TBC1D19: variants seen among roughly 807,000 people sequenced by gnomAD.
The protein encoded by TBC1D19 is TBC1 domain family, member 19.
TBC1D19 carries 60 observed loss-of-function variants against 89.0 expected under a neutral mutation model. The observed-to-expected ratio is 0.67, with a 90% confidence interval of 0.55 to 0.84. The LOEUF (loss-of-function observed/expected upper bound fraction) is 0.84, where lower values mean the gene tolerates loss of function less well. TBC1D19 is among the 40% of genes least tolerant of loss of function. TBC1D19 has a pLI of 0.00. For synonymous variants in TBC1D19, 189 were observed against 199.7 expected (o/e 0.95, Z 0.45); for missense variants, 500 against 610.8 (o/e 0.82, Z 1.91).
At chr4:26,724,226 G>A (rs1717154647) in intron 15 of TBC1D19, among the ~76,000 whole-genome samples, 1 of 152,188 alleles carries the variant, frequency 6.6e-6, no homozygotes, top group African/African-American at 2.4e-5. Context: ...GGTCAGTTAG[G>A]GAGATAGTTG....
intron 4 of TBC1D19, among the ~76,000 whole-genome samples, chr4:26,625,466 TG>T (rs1317798053): frequency 1.3e-5 from 2 of 152,216 alleles, no homozygotes; most frequent in East Asian, 3.8e-4. Context: ...AACATTAGTA[TG>T]GTACATTTGT....
intron 17 of TBC1D19, 141 bp from the exon 18 acceptor site, chr4:26,742,367 A>G (rs924895806): frequency 8.2e-6 from 5 of 611,148 alleles, no homozygotes; most frequent in African/African-American, 5.6e-5. Flanking sequence ...TCTTTAATAC[A>G]TTTCATGTTT....
chr4:26,754,454 G>A (rs1719152806), intron 20 of TBC1D19, among the ~76,000 whole-genome samples: 1 of 152,070 alleles, frequency 6.6e-6, no homozygotes, highest in South Asian at 2.1e-4. Flanking sequence ...CTGCATTTTT[G>A]TTTAAAGGGA....
chr4:26,737,534 T>G (rs1345005639), intron 16 of TBC1D19, among the ~76,000 whole-genome samples: 1 of 152,154 alleles, frequency 6.6e-6, no homozygotes, highest in Admixed American at 6.6e-5. Flanking sequence ...TATCATTGAC[T>G]CAGCCTCTGC....
At chr4:26,850,470 C>T in the TBC1D19 span, among the ~76,000 whole-genome samples, 1 of 138,710 alleles carries the variant, frequency 7.2e-6, no homozygotes, top group Non-Finnish European at 1.5e-5. Flanking sequence ...ACTGCCTGAA[C>T]CAAGAGGGGT....
At chr4:26,810,225 C>G in the TBC1D19 span, among the ~76,000 whole-genome samples, 1 of 152,222 alleles carries the variant, frequency 6.6e-6, no homozygotes, top group Admixed American at 6.5e-5. Flanking sequence ...TATCAGCTGC[C>G]TTCTTTTTCC....
At chr4:26,835,148 C>G in the TBC1D19 span, among the ~76,000 whole-genome samples, 10 of 152,228 alleles carry the variant, frequency 6.6e-5, no homozygotes, top group East Asian at 1.5e-3. Flanking sequence ...TGAGTGAATC[C>G]AATGTAATCA....
chr4:26,635,561 T>C (rs1393882956), intron 4 of TBC1D19, among the ~76,000 whole-genome samples: 1 of 152,192 alleles, frequency 6.6e-6, no homozygotes, highest in Non-Finnish European at 1.5e-5. Context: ...ACTTTATACA[T>C]TTCACATAGC....
chr4:26,596,726 G>A (rs1400760078), intron 1 of TBC1D19, among the ~76,000 whole-genome samples: 11 of 151,646 alleles, frequency 7.3e-5, no homozygotes, highest in African/African-American at 2.2e-4. Flanking sequence ...TGCATGCAAG[G>A]TTATAATTTT....
At chr4:26,630,141 T>A (rs1244086958) in intron 4 of TBC1D19, among the ~76,000 whole-genome samples, 4 of 151,798 alleles carry the variant, frequency 2.6e-5, no homozygotes, top group Non-Finnish European at 2.9e-5. Flanking sequence ...TATACTAATT[T>A]AAAAAAATTA....
Position 26,676,636 on chromosome 4 carries a change from G to A in TBC1D19, c.816+2748G>A, listed in dbSNP as rs184094397. ...TGGGAGGCTGAGGCAAGAAAATGTC[G>A]TGAACCCGGGAGGCAGAGCTTGCAG... On this transcript the variant is annotated intron_variant, in intron 11 of 20. Coordinates refer to ENST00000264866, the MANE Select transcript of TBC1D19 (RefSeq NM_018317.4). 2.9e-3 allele frequency among the ~76,000 whole-genome samples: 435 copies of A among 151,358 alleles called. 1 individual carries two copies. The highest frequency in any genetic ancestry group is 0.01 in the African/African-American group (421 of 41,230).
At chr4:26,799,233 A>G in the TBC1D19 span, among the ~76,000 whole-genome samples, 1 of 152,234 alleles carries the variant, frequency 6.6e-6, no homozygotes, top group African/African-American at 2.4e-5. Context: ...AGTCCCAGCT[A>G]CTGAAGAGGC....
the TBC1D19 span, among the ~76,000 whole-genome samples, chr4:26,790,468 G>A: frequency 6.6e-6 from 1 of 152,204 alleles, no homozygotes; most frequent in African/African-American, 2.4e-5. Context: ...AGTCACATAT[G>A]TGACTGGAAC....
chr4:26,786,206 G>A, the TBC1D19 span, among the ~76,000 whole-genome samples: 107 of 152,278 alleles, frequency 7.0e-4, no homozygotes, highest in South Asian at 1.9e-3. Flanking sequence ...CTCCTGGGAC[G>A]TGGCTGCCCA....
At chr4:26,633,855 G>A (rs538659766) in intron 4 of TBC1D19, among the ~76,000 whole-genome samples, 1 of 152,130 alleles carries the variant, frequency 6.6e-6, no homozygotes, top group South Asian at 2.1e-4. Flanking sequence ...TTGTTATCTT[G>A]ACATTTTTAA....
At chr4:26,777,668 C>G in the TBC1D19 span, among the ~76,000 whole-genome samples, 1 of 152,100 alleles carries the variant, frequency 6.6e-6, no homozygotes, top group Non-Finnish European at 1.5e-5. Context: ...AGGCTGGTCT[C>G]TAACTCCTGG....
chr4:26,742,477 T>C (rs766518288), intron 17 of TBC1D19, 31 bp from the exon 18 acceptor site: 1 of 1,501,468 alleles, frequency 6.7e-7, no homozygotes. Context: ...TTAAAATATC[T>C]ATTTCTCTTA....
At chr4:26,611,258 T>C (rs1452148587) in intron 1 of TBC1D19, among the ~76,000 whole-genome samples, 1 of 152,164 alleles carries the variant, frequency 6.6e-6, no homozygotes, top group Non-Finnish European at 1.5e-5. Context: ...CAAATATATG[T>C]CTCTAGATAC....
chr4:26,627,652 A>AT (rs1261164439), intron 4 of TBC1D19, among the ~76,000 whole-genome samples: 2 of 151,594 alleles, frequency 1.3e-5, no homozygotes, highest in African/African-American at 4.8e-5. Context: ...GATGGTGAGC[A>AT]TTTTTTCATG....
Sources: allele counts gnomAD v4.1 joint callset (sites outside exome capture counted in the v4.1 genomes callset), GRCh38; gene constraint gnomAD v4.1.1; transcripts MANE v1.5; gene names NCBI Gene and HGNC (gene_info 2026-07-23, HGNC 2026-07-21).